TAFA2: variants seen among roughly 807,000 people sequenced by gnomAD.
The protein encoded by TAFA2 is TAFA chemokine like family member 2, also known as chemokine-like protein TAFA-2.
In TAFA2, 7 loss-of-function variants were observed where a neutral mutation model predicts 18.8. The observed-to-expected ratio is 0.37, with a 90% CI of 0.21 to 0.70. The LOEUF is 0.70. TAFA2 is among the 30% of genes least tolerant of loss of function. The pLI is 0.53. For synonymous variants in TAFA2, 60 were observed against 54.2 expected, an observed-to-expected ratio of 1.11 and a Z score of -0.47; for missense variants, 122 against 158.1, an observed-to-expected ratio of 0.77 and a Z score of 1.23.
intron 1 of TAFA2, among the ~76,000 whole-genome samples, chr12:62,182,957 T>C (rs930892560): frequency 6.6e-6 from 1 of 152,210 alleles, no homozygotes; most frequent in Admixed American, 6.5e-5. Context: ...AGTAATATAC[T>C]AAAATGGTAA....
chr12:62,039,728 C>T (rs1881708284), intron 1 of TAFA2, among the ~76,000 whole-genome samples: 1 of 152,146 alleles, frequency 6.6e-6, no homozygotes, highest in African/African-American at 2.4e-5. Flanking sequence ...GATGCATATA[C>T]ACTTGCACAA....
chr12:62,139,193 C>G (rs1020178690), intron 1 of TAFA2, among the ~76,000 whole-genome samples: 1 of 152,096 alleles, frequency 6.6e-6, no homozygotes, highest in African/African-American at 2.4e-5. Context: ...GACAAATAAG[C>G]AAATGTGTTT....
At chr12:62,162,751 T>C (rs912159972) in intron 1 of TAFA2, among the ~76,000 whole-genome samples, 6 of 152,140 alleles carry the variant, frequency 3.9e-5, no homozygotes, top group African/African-American at 1.4e-4. Flanking sequence ...TAAAATCTTA[T>C]AATTTGAAAG....
intron 1 of TAFA2, chr12:62,021,469 T>C (rs1881134005): frequency 1.2e-5 from 5 of 408,622 alleles, no homozygotes; most frequent in Admixed American, 9.6e-5. Flanking sequence ...GTCCACTGCA[T>C]CATTCTTTTT....
intron 1 of TAFA2, among the ~76,000 whole-genome samples, chr12:62,249,780 C>G (rs923347702): frequency 8.6e-5 from 13 of 151,808 alleles, no homozygotes; most frequent in African/African-American, 2.9e-4. Context: ...TTTTCAAACT[C>G]TCTTTTTTCT....
intron 4 of TAFA2, among the ~76,000 whole-genome samples, chr12:61,715,748 C>CAA (rs10706280): frequency 7.2e-6 from 1 of 139,646 alleles, no homozygotes. Flanking sequence ...CAAGACTCTA[C>CAA]AAAAAAAAAA....
intron 2 of TAFA2, among the ~76,000 whole-genome samples, chr12:61,842,865 C>A (rs1873243777): frequency 6.6e-6 from 1 of 152,164 alleles, no homozygotes; most frequent in Admixed American, 6.6e-5. Context: ...CAATCAAATC[C>A]TCTCTCTGAG....
chr12:62,126,535 C>A (rs1870467722), intron 1 of TAFA2, among the ~76,000 whole-genome samples: 1 of 152,056 alleles, frequency 6.6e-6, no homozygotes, highest in African/African-American at 2.4e-5. Context: ...AGCAGGTTTG[C>A]TGGCATCCTT....
At chr12:61,768,050 T>A (rs1217314092) in intron 2 of TAFA2, among the ~76,000 whole-genome samples, 1 of 152,136 alleles carries the variant, frequency 6.6e-6, no homozygotes, top group African/African-American at 2.4e-5. Context: ...ATTTCACTAC[T>A]AACCATGAGA....
intron 1 of TAFA2, among the ~76,000 whole-genome samples, chr12:62,147,452 C>T (rs1252425839): frequency 3.4e-5 from 5 of 148,190 alleles, no homozygotes; most frequent in East Asian, 2.0e-4. Flanking sequence ...AACTATCGGC[C>T]GGGCATGGTG....
At chr12:61,820,614 T>A (rs184654790) in intron 2 of TAFA2, among the ~76,000 whole-genome samples, 1 of 152,120 alleles carries the variant, frequency 6.6e-6, no homozygotes, top group East Asian at 1.9e-4. Context: ...TAATTCGATC[T>A]TAATTATACT....
chr12:61,839,130 T>A (rs1290836322), intron 2 of TAFA2, among the ~76,000 whole-genome samples: 1 of 152,072 alleles, frequency 6.6e-6, no homozygotes, highest in African/African-American at 2.4e-5. Context: ...TTTTTTGTTC[T>A]CCAGGAACTT....
At chr12:62,179,834 G>A (rs1592385917) in intron 1 of TAFA2, among the ~76,000 whole-genome samples, 1 of 151,666 alleles carries the variant, frequency 6.6e-6, no homozygotes, top group Non-Finnish European at 1.5e-5. Flanking sequence ...ATTCTTCCTC[G>A]TTATATCCCA....
chr12:62,059,060 G>A (rs1161879108), intron 1 of TAFA2, among the ~76,000 whole-genome samples: 2 of 151,690 alleles, frequency 1.3e-5, no homozygotes, highest in Non-Finnish European at 2.9e-5. Context: ...CCGAGATCAC[G>A]GCACTGCACT....
intron 1 of TAFA2, among the ~76,000 whole-genome samples, chr12:62,066,182 T>A (rs1882482297): frequency 6.6e-6 from 1 of 151,532 alleles, no homozygotes; most frequent in Non-Finnish European, 1.5e-5. Flanking sequence ...TATATATTTA[T>A]GGGGTATATG....
chr12:61,822,511 C>A (rs1872361646), intron 2 of TAFA2, among the ~76,000 whole-genome samples: 1 of 152,098 alleles, frequency 6.6e-6, no homozygotes, highest in South Asian at 2.1e-4. Flanking sequence ...AGTAAAATTG[C>A]TACCAAACTA....
intron 2 of TAFA2, among the ~76,000 whole-genome samples, chr12:61,822,277 A>G (rs1872352470): frequency 6.6e-6 from 1 of 152,124 alleles, no homozygotes; most frequent in South Asian, 2.1e-4. Flanking sequence ...TAACCTGAGC[A>G]CCGCAGGTTC....
intron 1 of TAFA2, chr12:62,258,230 T>C (rs2062949844): frequency 6.6e-6 from 1 of 152,222 alleles, no homozygotes; most frequent in Non-Finnish European, 1.5e-5. Context: ...ATTTTATCTC[T>C]TTCCTGACTC....
chr12:62,048,523 T>A (rs910420590), intron 1 of TAFA2, among the ~76,000 whole-genome samples: 2 of 152,202 alleles, frequency 1.3e-5, no homozygotes, highest in South Asian at 2.1e-4. Flanking sequence ...CATGGAATAC[T>A]GGAAATTAAA....
Sources: allele counts gnomAD v4.1 joint callset (sites outside exome capture counted in the v4.1 genomes callset), GRCh38; gene constraint gnomAD v4.1.1; transcripts MANE v1.5; gene names NCBI Gene and HGNC (gene_info 2026-07-23, HGNC 2026-07-21).